Variants in LRPPRC observed in about 807,000 individuals in gnomAD.
LRPPRC encodes leucine rich pentatricopeptide repeat containing.
Under a neutral mutation model 180.3 loss-of-function variants are expected in LRPPRC, and 120 were observed. The observed-to-expected ratio is 0.67, with a 90% CI of 0.57 to 0.77. LRPPRC has a LOEUF of 0.77. LRPPRC is among the 30% of genes least tolerant of loss of function. The probability of loss-of-function intolerance (pLI) is 0.00; values close to 1 mark genes in which losing one functional copy is unlikely to be tolerated. For missense variants in LRPPRC, 2,012 were observed against 1,657.2 expected, an observed-to-expected ratio of 1.21 and a Z score of -3.72; for synonymous variants, 723 against 600.0, an observed-to-expected ratio of 1.21 and a Z score of -3.00.
intron 1 of LRPPRC, among the ~76,000 whole-genome samples, chr2:43,994,145 A>G (rs1559078643): frequency 6.6e-6 from 1 of 152,346 alleles, no homozygotes; most frequent in East Asian, 1.9e-4. Context: ...TAATGGGCAC[A>G]ACTTTCTCAA....
chr2:43,900,918 A>G (rs1670858860), intron 32 of LRPPRC, among the ~76,000 whole-genome samples: 1 of 152,144 alleles, frequency 6.6e-6, no homozygotes, highest in African/African-American at 2.4e-5. Context: ...GAATATGAAT[A>G]CGGAAATGCA....
intron 14 of LRPPRC, among the ~76,000 whole-genome samples, chr2:43,956,141 A>G (rs572449463): frequency 8.5e-5 from 13 of 152,294 alleles, no homozygotes; most frequent in Admixed American, 8.5e-4. Context: ...AAAAAACAAA[A>G]CAAAACAAAA....
intron 3 of LRPPRC, among the ~76,000 whole-genome samples, chr2:43,979,136 A>C (rs1674189061): frequency 6.7e-6 from 1 of 150,102 alleles, no homozygotes; most frequent in Admixed American, 6.6e-5. Context: ...TTGAATACGT[A>C]CTATGTTACA....
At chr2:43,995,302 T>A (rs1572597628) in intron 1 of LRPPRC, among the ~76,000 whole-genome samples, 1 of 152,260 alleles carries the variant, frequency 6.6e-6, no homozygotes, top group Non-Finnish European at 1.5e-5. Flanking sequence ...TAATCCAGCG[T>A]CCAGCTTTAA....
chr2:43,947,167 G>C (rs1672709663), intron 20 of LRPPRC, 90 bp downstream of exon 20: 2 of 653,558 alleles, frequency 3.1e-6, no homozygotes, highest in Non-Finnish European at 5.3e-6. Context: ...ACGATCAATT[G>C]TAAAAATCAT....
intron 23 of LRPPRC, among the ~76,000 whole-genome samples, chr2:43,938,593 C>T (rs1672357164): frequency 6.6e-6 from 1 of 152,098 alleles, no homozygotes; most frequent in Non-Finnish European, 1.5e-5. Context: ...GGAAGAACAT[C>T]CCGATAAATA....
intron 1 of LRPPRC, 134 bp from the exon 2 acceptor site, chr2:43,982,568 G>A (rs1386637768): frequency 3.0e-6 from 2 of 669,330 alleles, no homozygotes; most frequent in African/African-American, 1.8e-5. Context: ...ATAGAGGTAT[G>A]AACTAATGGG....
rs539281841 is a variant in LRPPRC, at chr2:43,888,662, A to G, written c.4129-6T>C. 5.1e-6 allele frequency: 8 copies of G among 1,562,056 alleles called. No homozygotes were observed. Among genetic ancestry groups the G allele is most frequent in the South Asian group, 4.5e-5 (4 of 89,812 alleles). On this transcript the variant is annotated splice_region_variant and splice_polypyrimidine_tract_variant and intron_variant, in intron 37 of 37. Transcript: ENST00000260665. ...GCATAAAATTCAAAGCTTTCCTGTT[A>G]AGGAGAAAAAAAGAGGGAAGTTAGA...
intron 1 of LRPPRC, among the ~76,000 whole-genome samples, chr2:43,988,493 G>C (rs576337373): frequency 6.6e-6 from 1 of 152,104 alleles, no homozygotes; most frequent in Admixed American, 6.5e-5. Context: ...CCGAGATCAC[G>C]CCACTGCACT....
At chr2:43,965,900 G>T (rs1252194290) in intron 11 of LRPPRC, among the ~76,000 whole-genome samples, 1 of 152,166 alleles carries the variant, frequency 6.6e-6, no homozygotes, top group Admixed American at 6.5e-5. Context: ...GGGAACCCTG[G>T]TCTACTGTTG....
At position 43,922,903 on chromosome 2, in the gene LRPPRC, G is replaced by C. The variant is rs571530179; in HGVS notation, c.2896+2164C>G. Among the ~76,000 whole-genome samples, 4 of 152,044 alleles carry C rather than the reference G, an allele frequency of 2.6e-5. No homozygotes were observed. The East Asian group carries it at 7.7e-4, about 29-fold the overall frequency. On this transcript the variant is annotated intron_variant, in intron 27 of 37. Coordinates refer to ENST00000260665, the MANE Select transcript of LRPPRC (RefSeq NM_133259.4). Reference sequence around the variant, plus strand: ...TAACCAGATTATCCATTTATAACACGGCAGAAGGTAGGAAGTATACAAATG... The same window carrying C: ...TAACCAGATTATCCATTTATAACACCGCAGAAGGTAGGAAGTATACAAATG...
rs1349660850 is a variant in LRPPRC at position 43,888,284 on chromosome 2, A to AATAAC, written c.*311_*315dup. The AATAAC allele has an allele frequency of 3.4e-6, 1 of 296,446 alleles. No homozygotes were observed. Among genetic ancestry groups the AATAAC allele is most frequent in the South Asian group, 3.7e-5 (1 of 27,262 alleles). 18.4% of individuals were successfully genotyped at this position (296,446 alleles called of 1,614,324 possible). A position where few individuals can be genotyped will look rare whatever the true frequency, so the allele number is the denominator to read the frequency against. On this transcript the variant is annotated 3_prime_UTR_variant, in exon 38 of 38. Transcript: ENST00000260665. ...CTAATAAGTGAATCTTAAATAAAGG[A>AATAAC]ATAACATTTTAATGAAATAAATGAA...
intron 1 of LRPPRC, among the ~76,000 whole-genome samples, chr2:43,989,914 T>G (rs1185800361): frequency 2.0e-5 from 3 of 152,148 alleles, no homozygotes; most frequent in Non-Finnish European, 2.9e-5. Flanking sequence ...AAACACACTT[T>G]GAAAATAATA....
chr2:43,948,292 G>A, intron 17 of LRPPRC, 93 bp from the exon 18 acceptor site: 2 of 939,096 alleles, frequency 2.1e-6, no homozygotes, highest in Non-Finnish European at 3.5e-6. Flanking sequence ...CATAATTTAA[G>A]TCTCCAACTC....
At position 43,888,495 on chromosome 2, in the gene LRPPRC, G is replaced by C; in HGVS notation, c.*105C>G. 1 of 739,522 alleles carries C rather than the reference G, an allele frequency of 1.4e-6. No homozygotes were observed. The highest frequency in any genetic ancestry group is 1.5e-5 in the South Asian group (1 of 68,384). The allele number at this position is 739,522 out of a possible 1,614,324, so 45.8% of individuals were successfully genotyped here. A position where few individuals can be genotyped will look rare whatever the true frequency, so the allele number is the denominator to read the frequency against. On this transcript the variant is annotated 3_prime_UTR_variant, in exon 38 of 38. Transcript: ENST00000260665. ...TTGAACATGCATCACACATACATAA[G>C]TACATAAAGAAAATTTTCATTTATT...
intron 23 of LRPPRC, among the ~76,000 whole-genome samples, chr2:43,941,222 C>G (rs1672469317): frequency 6.6e-6 from 1 of 152,106 alleles, no homozygotes; most frequent in African/African-American, 2.4e-5. Flanking sequence ...TTGTCCAATG[C>G]TGGAAAAGTC....
intron 2 of LRPPRC, 46 bp downstream of exon 2, chr2:43,982,192 G>C: frequency 2.1e-6 from 3 of 1,413,904 alleles, no homozygotes; most frequent in Non-Finnish European, 2.9e-6. Context: ...CTGAGCCACT[G>C]TGACCAGCCA....
Position 43,888,166 on chromosome 2 carries a change from A to C in LRPPRC, c.*434T>G, listed in dbSNP as rs558579879. ...GTTCGAAAGTTATGCAGGACTTCAC[A>C]CATGTACGGAATGGCTGTATCACAG... On this transcript the variant is annotated 3_prime_UTR_variant, in exon 38 of 38. Transcript: ENST00000260665. 2 of 210,420 alleles carry C rather than the reference A, an allele frequency of 9.5e-6. No individual in the cohort carries two copies. The highest frequency in any genetic ancestry group is 1.2e-4 in the East Asian group (1 of 8,178). 13.0% of individuals were successfully genotyped at this position (210,420 alleles called of 1,614,324 possible). A position where few individuals can be genotyped will look rare whatever the true frequency, so the allele number is the denominator to read the frequency against.
Position 43,995,840 on chromosome 2 carries a change from GGCAT to G in LRPPRC, c.104_107del (p.His35ProfsTer18). 3 of 1,451,862 alleles carry G rather than the reference GGCAT, an allele frequency of 2.1e-6. No homozygotes were observed. Among genetic ancestry groups the G allele is most frequent in the Non-Finnish European group, 2.7e-6 (3 of 1,111,572 alleles). 89.9% of individuals were successfully genotyped at this position (1,451,862 alleles called of 1,614,324 possible). The stretch of plus-strand genomic sequence containing the variant: ...CGCGAGCGGCGGGCAGATAGGAGGC[GGCAT>G]GCAGCCGGCCCGGGCCGCCAGGGAG... On this transcript the variant is annotated frameshift_variant, in exon 1 of 38. Transcript: ENST00000260665. LOFTEE classifies it high-confidence loss of function.
Sources: gnomAD v4.1 joint callset for allele counts (sites outside exome capture counted in the v4.1 genomes callset) on GRCh38, gnomAD v4.1.1 for gene constraint, MANE v1.5 for transcripts, NCBI Gene and HGNC (gene_info 2026-07-23, HGNC 2026-07-21) for gene names.